BMERB1: variants seen among roughly 807,000 people sequenced by gnomAD.
The protein encoded by BMERB1 is bMERB domain containing 1, also known as bMERB domain-containing protein 1.
Under a neutral mutation model 23.6 loss-of-function variants are expected in BMERB1, and 12 were observed. The ratio of observed to expected loss-of-function variants is 0.51; its 90% CI spans 0.33 to 0.82. BMERB1 has a LOEUF of 0.82. Ranked by LOEUF, BMERB1 falls within the 40% of genes least tolerant of loss-of-function variation. The pLI, the probability that BMERB1 is intolerant of heterozygous loss-of-function variation, is 0.03. For missense variants in BMERB1, 247 were observed against 255.4 expected (o/e 0.97, Z 0.22); for synonymous variants, 122 against 96.6 (o/e 1.26, Z -1.54).
chr16:15,445,551 C>T (rs1290667074), intron 1 of BMERB1, among the ~76,000 whole-genome samples: 1 of 152,080 alleles, frequency 6.6e-6, no homozygotes, highest in Non-Finnish European at 1.5e-5. Context: ...GTGGAATCAC[C>T]ATTAATTGTT....
intron 1 of BMERB1, among the ~76,000 whole-genome samples, chr16:15,499,908 G>A (rs2051511358): frequency 6.6e-6 from 1 of 152,220 alleles, no homozygotes; most frequent in African/African-American, 2.4e-5. Flanking sequence ...ACAAAGGGAT[G>A]AGGGTACAGG....
At chr16:15,471,067 C>G (rs1481305945) in intron 1 of BMERB1, among the ~76,000 whole-genome samples, 1 of 151,444 alleles carries the variant, frequency 6.6e-6, no homozygotes. Context: ...GAACTCCTGA[C>G]CTCAAGTCAT....
In BMERB1 at chr16:15,444,123, G is replaced by GT. The variant is rs150793082; in HGVS notation, c.106+9391dup. On this transcript the variant is annotated intron_variant, in intron 1 of 5. Transcript: ENST00000300006. ...AGGCCAGGGTCCAGGCACCAGCTTT[G>GT]TTTTTTTTTTTTTTTTTTTTTTTTT... 3.7e-3 allele frequency among the ~76,000 whole-genome samples: 133 copies of GT among 35,616 alleles called. 20 individuals are homozygous for GT. The highest frequency in any genetic ancestry group is 0.01 in the South Asian group (8 of 778). The allele number at this position is 35,616 out of a possible 152,430, so 23.4% of individuals were successfully genotyped here.
chr16:15,467,423 A>G (rs1369445686), intron 1 of BMERB1, among the ~76,000 whole-genome samples: 3 of 151,808 alleles, frequency 2.0e-5, no homozygotes, highest in Non-Finnish European at 4.4e-5. Context: ...TTTAATTTGC[A>G]TTTTCTTTAT....
At chr16:15,476,162 T>C (rs1404890337) in intron 1 of BMERB1, among the ~76,000 whole-genome samples, 3 of 8,166 alleles carry the variant, frequency 3.7e-4, no homozygotes, top group African/African-American at 4.0e-4. Context: ...GTCATTCACT[T>C]TTTTTTTTTT....
chr16:15,569,415 G>A (rs2030667832), intron 3 of BMERB1, among the ~76,000 whole-genome samples: 1 of 151,982 alleles, frequency 6.6e-6, no homozygotes, highest in Non-Finnish European at 1.5e-5. Flanking sequence ...GAGGCGGGAG[G>A]TGCCACACAC....
chr16:15,487,684 G>GT (rs1194396148), intron 1 of BMERB1, among the ~76,000 whole-genome samples: 1 of 152,150 alleles, frequency 6.6e-6, no homozygotes, highest in Non-Finnish European at 1.5e-5. Flanking sequence ...ATGCTTAACA[G>GT]TTTTTTCTAA....
At chr16:15,496,320 G>C (rs2051473261) in intron 1 of BMERB1, among the ~76,000 whole-genome samples, 1 of 152,072 alleles carries the variant, frequency 6.6e-6, no homozygotes. Flanking sequence ...AGTCCTCACT[G>C]TCCTTATGAT....
intron 2 of BMERB1, among the ~76,000 whole-genome samples, chr16:15,535,385 C>T (rs1179381324): frequency 1.3e-5 from 2 of 151,944 alleles, no homozygotes; most frequent in Admixed American, 6.6e-5. Flanking sequence ...CGGTGGCTCA[C>T]GCCTGTAATC....
At chr16:15,474,712 G>A (rs553074704) in intron 1 of BMERB1, among the ~76,000 whole-genome samples, 305 of 150,956 alleles carry the variant, frequency 2.0e-3, no homozygotes, top group Non-Finnish European at 3.6e-3. Context: ...TTTTTGAGAT[G>A]GAGTCTTGCT....
intron 1 of BMERB1, among the ~76,000 whole-genome samples, chr16:15,440,239 A>C: frequency 9.9e-6 from 1 of 101,194 alleles, no homozygotes; most frequent in African/African-American, 4.3e-5. Context: ...AGCAAGACTT[A>C]ATCTCAAAAA....
chr16:15,460,473 AACAAACC>A (rs2051125108), intron 1 of BMERB1, among the ~76,000 whole-genome samples: 1 of 152,180 alleles, frequency 6.6e-6, no homozygotes, highest in Non-Finnish European at 1.5e-5. Context: ...TTCATCTCCC[AACAAACC>A]ATTTAATAAA....
intron 1 of BMERB1, among the ~76,000 whole-genome samples, chr16:15,442,377 C>T (rs1379899749): frequency 2.6e-5 from 4 of 151,582 alleles, no homozygotes; most frequent in Non-Finnish European, 5.9e-5. Flanking sequence ...TCTGCACTGT[C>T]TCTTGACAGG....
At chr16:15,543,649 C>G (rs1453974048) in intron 2 of BMERB1, among the ~76,000 whole-genome samples, 1 of 151,796 alleles carries the variant, frequency 6.6e-6, no homozygotes, top group East Asian at 1.9e-4. Flanking sequence ...CACAAGAACT[C>G]CTCTCTACAA....
intron 1 of BMERB1, among the ~76,000 whole-genome samples, chr16:15,503,983 A>G (rs913183913): frequency 2.0e-5 from 3 of 152,194 alleles, no homozygotes; most frequent in South Asian, 2.1e-4. Context: ...CAGGTTCTCA[A>G]TGCATAGTTA....
At chr16:15,447,544 A>G (rs1447513793) in intron 1 of BMERB1, among the ~76,000 whole-genome samples, 1 of 152,200 alleles carries the variant, frequency 6.6e-6, no homozygotes, top group African/African-American at 2.4e-5. Context: ...AGAAGATTCA[A>G]TGAAATAATA....
chr16:15,439,488 A>G (rs1295164125), intron 1 of BMERB1, among the ~76,000 whole-genome samples: 1 of 152,208 alleles, frequency 6.6e-6, no homozygotes, highest in African/African-American at 2.4e-5. Flanking sequence ...TCCCAAACTC[A>G]CCAGTTACAG....
intron 2 of BMERB1, among the ~76,000 whole-genome samples, chr16:15,524,808 G>C (rs2051890879): frequency 6.6e-6 from 1 of 152,156 alleles, no homozygotes; most frequent in Admixed American, 6.6e-5. Context: ...TTCTGTACTT[G>C]ACAAGCTCTT....
At chr16:15,500,839 A>G (rs1037563875) in intron 1 of BMERB1, among the ~76,000 whole-genome samples, 13 of 152,088 alleles carry the variant, frequency 8.5e-5, no homozygotes, top group African/African-American at 3.1e-4. Context: ...TTTAGTAGAG[A>G]TGGGGTTTCA....
Sources: allele counts gnomAD v4.1 joint callset (sites outside exome capture counted in the v4.1 genomes callset), GRCh38; gene constraint gnomAD v4.1.1; transcripts MANE v1.5; gene names NCBI Gene and HGNC (gene_info 2026-07-23, HGNC 2026-07-21).